The following FAM3B variants were observed in gnomAD, a reference collection of about 807,000 sequenced individuals.
The protein encoded by FAM3B is FAM3 metabolism regulating signaling molecule B.
Under a neutral mutation model 28.4 loss-of-function variants are expected in FAM3B, and 29 were observed. The ratio of observed to expected loss-of-function variants is 1.02; its 90% CI spans 0.76 to 1.39. The LOEUF (loss-of-function observed/expected upper bound fraction) is 1.39, where lower values mean the gene tolerates loss of function less well. Among genes scored for constraint, FAM3B ranks in the 40% most tolerant of loss-of-function variants. The probability of loss-of-function intolerance (pLI) is 0.00; values close to 1 mark genes in which losing one functional copy is unlikely to be tolerated. For missense variants in FAM3B, 266 were observed against 293.9 expected, an observed-to-expected ratio of 0.91 and a Z score of 0.69; for synonymous variants, 91 against 103.0, an observed-to-expected ratio of 0.88 and a Z score of 0.71.
intron 1 of FAM3B, among the ~76,000 whole-genome samples, chr21:41,321,782 T>C (rs1014096249): frequency 1.3e-5 from 2 of 152,196 alleles, no homozygotes; most frequent in Non-Finnish European, 2.9e-5. Flanking sequence ...CGGGGACAGC[T>C]GCGCTCCTGA....
At chr21:41,345,598 G>T in intron 4 of FAM3B, 88 bp from the exon 5 acceptor site, 3 of 740,410 alleles carry the variant, frequency 4.1e-6, no homozygotes, top group Non-Finnish European at 6.6e-6. Context: ...AGACAGGGAA[G>T]AAATATTTCC....
At chr21:41,322,614 A>T (rs534692863) in intron 1 of FAM3B, 9 of 717,446 alleles carry the variant, frequency 1.3e-5, no homozygotes, top group Non-Finnish European at 2.3e-5. Flanking sequence ...CTGGCTCACA[A>T]GGTGCTTGAT....
chr21:41,308,241 C>T (rs1338389741), intron 1 of FAM3B, among the ~76,000 whole-genome samples: 1 of 152,216 alleles, frequency 6.6e-6, no homozygotes, highest in African/African-American at 2.4e-5. Context: ...AAGGTACCTT[C>T]TCTCCATTTT....
intron 2 of FAM3B, among the ~76,000 whole-genome samples, chr21:41,337,121 AT>A (rs1184417874): frequency 1.3e-5 from 2 of 152,100 alleles, no homozygotes; most frequent in African/African-American, 4.8e-5. Flanking sequence ...TACTTGTGAT[AT>A]TTTATGTATA....
At position 41,309,256 on chromosome 21, in the gene FAM3B, A is replaced by G. The variant is rs112576835; in HGVS notation, n.99+4946A>G. 2.1e-3 allele frequency among the ~76,000 whole-genome samples: 314 copies of G among 152,312 alleles called. 3 individuals carry two copies. The highest frequency in any genetic ancestry group is 6.9e-3 in the African/African-American group (288 of 41,576). ...TACTTTTGGTCAAAATCTCTTTTCCAACTGGAGTCTCCTTTTCTGACAAAT... is the reference window on the plus strand; with the variant it reads ...TACTTTTGGTCAAAATCTCTTTTCCGACTGGAGTCTCCTTTTCTGACAAAT... On this transcript the variant is annotated intron_variant and non_coding_transcript_variant, in intron 1 of 9. Coordinates refer to the FAM3B transcript ENST00000479810.
chr21:41,331,869 T>C (rs1024417240), intron 2 of FAM3B, among the ~76,000 whole-genome samples: 2 of 152,258 alleles, frequency 1.3e-5, no homozygotes, highest in Non-Finnish European at 2.9e-5. Context: ...GTTTTTGTCC[T>C]TCATTCTGTT....
intron 1 of FAM3B, among the ~76,000 whole-genome samples, chr21:41,322,396 C>T (rs528049693): frequency 1.3e-5 from 2 of 152,260 alleles, no homozygotes; most frequent in South Asian, 4.1e-4. Flanking sequence ...CCCAGTATTA[C>T]GGGGCCAGGC....
intron 3 of FAM3B, among the ~76,000 whole-genome samples, chr21:41,342,992 A>G (rs2838015): frequency 0.11 from 16,896 of 152,284 alleles, 1,131 homozygotes; most frequent in Non-Finnish European, 0.15. Context: ...GCAGAACAGG[A>G]TGACCTGAAT....
At chr21:41,306,182 T>C (rs1485544405) in intron 1 of FAM3B, among the ~76,000 whole-genome samples, 3 of 152,240 alleles carry the variant, frequency 2.0e-5, no homozygotes, top group Non-Finnish European at 4.4e-5. Context: ...TTAGGCTCCA[T>C]TCTTAATGCT....
chr21:41,339,459 T>C (rs538155730), intron 3 of FAM3B, among the ~76,000 whole-genome samples: 4 of 152,336 alleles, frequency 2.6e-5, no homozygotes, highest in South Asian at 4.1e-4. Flanking sequence ...GGGCCCTTGA[T>C]AGGGTTCCTC....
rs146229700 is a variant in FAM3B at position 41,338,455 on chromosome 21, G to A, written c.241G>A (p.Gly81Arg). The change falls in exon 3 of 8, where the codon GGA (glycine) becomes AGA (arginine). Residue 81 changes from glycine to arginine, a missense_variant. Physicochemically the swap from Gly to Arg is moderately radical, Grantham distance 125. Transcript: ENST00000357985. ...CACCTATGCCTACAGGTTACTCAGC[G>A]GAGGTGGCAGAAGCAAGTACGCCAA... ...SDTYAYRLLSGGGRSKYAKIC... is the reference protein window; with the variant it reads ...SDTYAYRLLSRGGRSKYAKIC... The A allele has an allele frequency of 7.7e-5, 125 of 1,614,162 alleles. No homozygotes were observed. The highest frequency in any genetic ancestry group is 4.9e-4 in the Middle Eastern group (3 of 6,062).
chr21:41,340,778 C>T (rs1201357838), intron 3 of FAM3B, among the ~76,000 whole-genome samples: 2 of 151,918 alleles, frequency 1.3e-5, no homozygotes, highest in African/African-American at 4.8e-5. Flanking sequence ...ATTACATGTC[C>T]CAAAAAAGGA....
chr21:41,305,318 G>A lies in FAM3B; in HGVS notation n.99+1008G>A, dbSNP rs141160176. Among the ~76,000 whole-genome samples, 417 of 152,268 alleles carry A rather than the reference G, an allele frequency of 2.7e-3. 3 individuals carry two copies. Among genetic ancestry groups the A allele is most frequent in the African/African-American group, 9.8e-3 (406 of 41,536 alleles). On this transcript the variant is annotated intron_variant and non_coding_transcript_variant, in intron 1 of 9. Coordinates refer to the FAM3B transcript ENST00000479810. ...GGACATGGGGATCAGTAAAGGGTAA[G>A]GAGCAGTCCCATGCCAGCCCAAACT...
At chr21:41,348,233 A>G (rs1450529259) in intron 6 of FAM3B, among the ~76,000 whole-genome samples, 2 of 152,114 alleles carry the variant, frequency 1.3e-5, no homozygotes, top group African/African-American at 4.8e-5. Flanking sequence ...ACTTCTCTCC[A>G]CCTTATTTTG....
At position 41,329,168 on chromosome 21, in the gene FAM3B, C is replaced by T. The variant is rs558528003; in HGVS notation, c.163+6102C>T. Among the ~76,000 whole-genome samples, 51 of 152,306 alleles carry T rather than the reference C, an allele frequency of 3.3e-4. 2 individuals are homozygous for T. In the South Asian group the frequency reaches 0.011, roughly 32 times the overall value. ...CATGGTGATTTTCGTGTATACAATA[C>T]AGTAGTTCCCCCCACTTATCTGTGG... On this transcript the variant is annotated intron_variant, in intron 2 of 7. Coordinates refer to ENST00000357985, the MANE Select transcript of FAM3B (RefSeq NM_058186.4).
At chr21:41,328,977 C>T (rs778153198) in intron 2 of FAM3B, among the ~76,000 whole-genome samples, 18 of 152,238 alleles carry the variant, frequency 1.2e-4, no homozygotes, top group Non-Finnish European at 2.5e-4. Context: ...CCTTCCAGCA[C>T]CAGTGCTGTT....
At chr21:41,313,947 G>GT (rs1421415194), upstream of FAM3B, among the ~76,000 whole-genome samples, 1 of 152,194 alleles carries the variant, frequency 6.6e-6, no homozygotes, top group Admixed American at 6.5e-5. Context: ...AGGGTATGCA[G>GT]TTTTTTCTCT....
intron 1 of FAM3B, among the ~76,000 whole-genome samples, chr21:41,321,836 C>T (rs2088809403): frequency 6.6e-6 from 1 of 152,188 alleles, no homozygotes; most frequent in Admixed American, 6.6e-5. Flanking sequence ...AAGCTGAGGT[C>T]CAGAACTGCA....
intron 1 of FAM3B, among the ~76,000 whole-genome samples, chr21:41,304,780 G>T (rs1601340897): frequency 1.3e-5 from 2 of 152,342 alleles, no homozygotes; most frequent in South Asian, 4.1e-4. Flanking sequence ...AACATTGGGA[G>T]CCATGGAGGC....
Sources: allele counts gnomAD v4.1 joint callset (sites outside exome capture counted in the v4.1 genomes callset), GRCh38; gene constraint gnomAD v4.1.1; transcripts MANE v1.5; gene names NCBI Gene and HGNC (gene_info 2026-07-23, HGNC 2026-07-21).